Variants in DAB1 observed in about 807,000 individuals in gnomAD.
DAB1 encodes the protein disabled homolog 1.
Under a neutral mutation model 64.6 loss-of-function variants are expected in DAB1, and 15 were observed. That is an observed-to-expected ratio of 0.23 (90% confidence interval 0.16 to 0.36). The LOEUF is 0.36. DAB1 is among the 10% of genes least tolerant of loss of function. The pLI is 1.00. For missense variants in DAB1, 596 were observed against 706.7 expected (o/e 0.84, Z 1.78); for synonymous variants, 235 against 251.9 (o/e 0.93, Z 0.64).
At chr1:57,796,250 G>A (rs150363483) in intron 6 of DAB1, among the ~76,000 whole-genome samples, 131 of 152,166 alleles carry the variant, frequency 8.6e-4, no homozygotes, top group African/African-American at 3.0e-3. Context: ...AATCCTGGCT[G>A]GGCGCGGTGG....
intron 11 of DAB1, 151 bp downstream of exon 11, chr1:57,023,380 T>A (rs1646682306): frequency 1.2e-5 from 7 of 591,066 alleles, no homozygotes; most frequent in Non-Finnish European, 2.2e-5. Context: ...CAACACCACC[T>A]CCTCCTCTAA....
rs144389959 is a variant in DAB1 at position 57,989,935 on chromosome 1, A to G, written n.388-105773T>C. On this transcript the variant is annotated intron_variant and non_coding_transcript_variant, in intron 5 of 20. Transcript: ENST00000485760. ...CACCTCCTTTCTTTTCTTCTCCCTC[A>G]AAATTCAGAGTATTGGTTGGAAAGA... 7.5e-3 allele frequency among the ~76,000 whole-genome samples: 1,136 copies of G among 152,264 alleles called. 9 individuals carry two copies. The highest frequency in any genetic ancestry group is 0.037 in the Middle Eastern group (11 of 294).
At chr1:57,507,181 T>C (rs1164033359) in intron 7 of DAB1, among the ~76,000 whole-genome samples, 1 of 152,154 alleles carries the variant, frequency 6.6e-6, no homozygotes, top group Non-Finnish European at 1.5e-5. Flanking sequence ...CTAAGCAATC[T>C]TTCCAGACTT....
intron 6 of DAB1, among the ~76,000 whole-genome samples, chr1:57,710,129 G>A (rs750877223): frequency 6.6e-6 from 1 of 152,016 alleles, no homozygotes; most frequent in Non-Finnish European, 1.5e-5. Flanking sequence ...GGTGTTTAAT[G>A]TTTTTGTTTA....
intron 4 of DAB1, among the ~76,000 whole-genome samples, chr1:58,209,613 G>A (rs1658451848): frequency 6.6e-6 from 1 of 152,106 alleles, no homozygotes; most frequent in Admixed American, 6.6e-5. Flanking sequence ...CCAGCACAAA[G>A]GCTAAATATG....
intron 6 of DAB1, among the ~76,000 whole-genome samples, chr1:57,747,562 C>G (rs1413180771): frequency 1.3e-5 from 2 of 152,006 alleles, no homozygotes; most frequent in South Asian, 2.1e-4. Context: ...GTAATCCCAG[C>G]ACTTTGGGAG....
At chr1:57,896,228 C>T (rs1433261136) in intron 5 of DAB1, among the ~76,000 whole-genome samples, 1 of 152,102 alleles carries the variant, frequency 6.6e-6, no homozygotes, top group Non-Finnish European at 1.5e-5. Context: ...ATTATCTATG[C>T]AGTATCACTA....
chr1:58,002,676 T>G (rs559055567), intron 5 of DAB1, among the ~76,000 whole-genome samples: 2,018 of 148,084 alleles, frequency 0.014, 48 homozygotes, highest in African/African-American at 0.048. Flanking sequence ...TGTATATATA[T>G]ATATAGAGAG....
intron 3 of DAB1, among the ~76,000 whole-genome samples, chr1:58,370,563 A>C (rs766141034): frequency 6.6e-6 from 1 of 152,070 alleles, no homozygotes; most frequent in Non-Finnish European, 1.5e-5. Flanking sequence ...TTTTGCTTTT[A>C]TTTTCTAAGA....
intron 2 of DAB1, among the ~76,000 whole-genome samples, chr1:57,265,268 T>G (rs1052494427): frequency 2.0e-5 from 3 of 152,222 alleles, no homozygotes; most frequent in Non-Finnish European, 4.4e-5. Flanking sequence ...GTTTCTCATT[T>G]TTATGCGCCT....
intron 2 of DAB1, among the ~76,000 whole-genome samples, chr1:58,518,792 T>C (rs1282280009): frequency 6.6e-6 from 1 of 152,012 alleles, no homozygotes; most frequent in African/African-American, 2.4e-5. Context: ...ATCTGTGAAA[T>C]AAAGAAGAGG....
At chr1:58,252,350 G>C (rs1201004752) in intron 4 of DAB1, among the ~76,000 whole-genome samples, 1 of 152,136 alleles carries the variant, frequency 6.6e-6, no homozygotes, top group Non-Finnish European at 1.5e-5. Flanking sequence ...TTTCGAGCAG[G>C]AAAGATTTTC....
chr1:57,927,135 A>G (rs768786479), intron 5 of DAB1, among the ~76,000 whole-genome samples: 1 of 152,222 alleles, frequency 6.6e-6, no homozygotes, highest in African/African-American at 2.4e-5. Context: ...ATGACCACAA[A>G]TGAAGCTCAT....
chr1:58,231,474 C>CCACATAAGGGAGAGGGCAAGGGAGGACCA (rs1318440548), intron 4 of DAB1, among the ~76,000 whole-genome samples: 1 of 152,134 alleles, frequency 6.6e-6, no homozygotes, highest in Non-Finnish European at 1.5e-5. Context: ...TTCCACTCTG[C>CCACATAAGGGAGAGGGCAAGGGAGGACCA]CACATAAGGG....
At chr1:57,129,795 A>G (rs1421994600) in intron 4 of DAB1, among the ~76,000 whole-genome samples, 1 of 152,088 alleles carries the variant, frequency 6.6e-6, no homozygotes, top group Non-Finnish European at 1.5e-5. Flanking sequence ...TTTACTGTCT[A>G]TATGGCAAAA....
At chr1:58,057,825 C>T (rs1350382696) in intron 5 of DAB1, among the ~76,000 whole-genome samples, 2 of 152,110 alleles carry the variant, frequency 1.3e-5, no homozygotes, top group African/African-American at 2.4e-5. Flanking sequence ...ACAATGAACA[C>T]GGTCTTTCTC....
At chr1:58,055,343 C>T (rs1224728397) in intron 5 of DAB1, among the ~76,000 whole-genome samples, 3 of 152,186 alleles carry the variant, frequency 2.0e-5, no homozygotes, top group Non-Finnish European at 2.9e-5. Context: ...CTGAAACTCT[C>T]ATCCCCCAGG....
In DAB1 at chr1:57,291,109, A is replaced by T; in HGVS notation, c.-79T>A. Reference sequence around the variant, plus strand: ...TTGAGGACTCTTCTCCAAGAGAAAGACTCCTCCCTTCAGAAATGACACTCT... The same window carrying T: ...TTGAGGACTCTTCTCCAAGAGAAAGTCTCCTCCCTTCAGAAATGACACTCT... On this transcript the variant is annotated 5_prime_UTR_variant, in exon 2 of 15. Transcript: ENST00000371236. The T allele has an allele frequency of 1.1e-6, 1 of 878,764 alleles. No homozygotes were observed. The allele number at this position is 878,764 out of a possible 1,614,324, so 54.4% of individuals were successfully genotyped here. A position where few individuals can be genotyped will look rare whatever the true frequency, so the allele number is the denominator to read the frequency against.
At chr1:57,119,997 C>T (rs573756) in intron 4 of DAB1, among the ~76,000 whole-genome samples, 122,270 of 152,118 alleles carry the variant, frequency 0.8, 49,288 homozygotes, top group East Asian at 0.98. Flanking sequence ...TTTTTAGTCT[C>T]CTAAAATCAT....
Sources: allele counts gnomAD v4.1 joint callset (sites outside exome capture counted in the v4.1 genomes callset), GRCh38; gene constraint gnomAD v4.1.1; transcripts MANE v1.5; gene names NCBI Gene and HGNC (gene_info 2026-07-23, HGNC 2026-07-21).